ARHGAP29: variants seen among roughly 807,000 people sequenced by gnomAD.
The protein encoded by ARHGAP29 is Rho GTPase activating protein 29, also known as rho GTPase-activating protein 29.
In ARHGAP29, 43 loss-of-function variants were observed where a neutral mutation model predicts 122.6. The ratio of observed to expected loss-of-function variants is 0.35; its 90% CI spans 0.27 to 0.45. ARHGAP29 has a LOEUF of 0.45. ARHGAP29 is among the 20% of genes least tolerant of loss of function. ARHGAP29 has a pLI of 1.00. For missense variants in ARHGAP29, 1,303 were observed against 1,477.2 expected (o/e 0.88, Z 1.93); for synonymous variants, 506 against 497.1 (o/e 1.02, Z -0.24).
chr1:94,230,978 A>AT (rs533028772), intron 2 of ARHGAP29, among the ~76,000 whole-genome samples: 203 of 152,092 alleles, frequency 1.3e-3, no homozygotes, highest in African/African-American at 4.6e-3. Flanking sequence ...AAATGCAGTC[A>AT]TTTTAGATAC....
At chr1:94,250,992 A>G (rs1654060316) in intron 1 of ARHGAP29, among the ~76,000 whole-genome samples, 1 of 152,154 alleles carries the variant, frequency 6.6e-6, no homozygotes, top group South Asian at 2.1e-4. Flanking sequence ...AATTATTGAT[A>G]CTACTGTGAA....
chr1:94,273,181 G>A (rs925930713), intron 1 of ARHGAP29, among the ~76,000 whole-genome samples: 13 of 152,132 alleles, frequency 8.5e-5, no homozygotes, highest in African/African-American at 3.1e-4. Context: ...TCAATGCCAA[G>A]ACTTTGGAAA....
At chr1:94,272,319 T>C (rs1557897908) in intron 1 of ARHGAP29, among the ~76,000 whole-genome samples, 1 of 152,150 alleles carries the variant, frequency 6.6e-6, no homozygotes, top group Non-Finnish European at 1.5e-5. Context: ...TTTCTAAGAT[T>C]CTCTTCAGGA....
chr1:94,209,220 G>A (rs1414316582), intron 4 of ARHGAP29, 34 bp downstream of exon 4: 8 of 1,418,808 alleles, frequency 5.6e-6, no homozygotes, highest in Non-Finnish European at 7.9e-6. Context: ...AGACACCTAG[G>A]ACTAGTTGCT....
intron 19 of ARHGAP29, among the ~76,000 whole-genome samples, chr1:94,183,493 G>GA (rs997742570): frequency 1.5e-3 from 214 of 147,368 alleles, no homozygotes; most frequent in African/African-American, 5.0e-3. Context: ...TTAACAGTGA[G>GA]AAAAAAAAAA....
At chr1:94,255,085 T>C (rs1016677328) in intron 1 of ARHGAP29, among the ~76,000 whole-genome samples, 1 of 152,204 alleles carries the variant, frequency 6.6e-6, no homozygotes, top group African/African-American at 2.4e-5. Flanking sequence ...ACCAAATTCA[T>C]ATGTTAAAGT....
rs544981585 is a variant in ARHGAP29 at position 94,264,524 on chromosome 1, C to A, written c.-33+10488G>T. 2.4e-4 allele frequency among the ~76,000 whole-genome samples: 36 copies of A among 152,260 alleles called. No individual in the cohort carries two copies. In the South Asian group the frequency reaches 4.4e-3, roughly 18 times the overall value. Reference sequence around the variant, plus strand: ...GTTCTCCCTAATGCCCCTGGATGCCCATCTGTGGCTGCCTTCCACTTGCTT... The same window carrying A: ...GTTCTCCCTAATGCCCCTGGATGCCAATCTGTGGCTGCCTTCCACTTGCTT... On this transcript the variant is annotated intron_variant and NMD_transcript_variant, in intron 1 of 25. Coordinates refer to the ARHGAP29 transcript ENST00000552844.
intron 1 of ARHGAP29, among the ~76,000 whole-genome samples, chr1:94,258,884 A>G (rs1443999402): frequency 6.6e-6 from 1 of 152,210 alleles, no homozygotes; most frequent in Non-Finnish European, 1.5e-5. Flanking sequence ...ACTTGACTCA[A>G]AAAACCCACA....
the ARHGAP29 span, among the ~76,000 whole-genome samples, chr1:94,297,301 A>G: frequency 6.6e-6 from 1 of 152,198 alleles, no homozygotes; most frequent in African/African-American, 2.4e-5. Context: ...AGTTCTTTAA[A>G]AGTCTCAGTA....
intron 1 of ARHGAP29, among the ~76,000 whole-genome samples, chr1:94,272,311 T>C (rs1570631471): frequency 6.6e-6 from 1 of 152,198 alleles, no homozygotes; most frequent in African/African-American, 2.4e-5. Context: ...ACCTCCTTTT[T>C]CTAAGATTCT....
chr1:94,216,478 G>T (rs1651962852), intron 3 of ARHGAP29, among the ~76,000 whole-genome samples: 1 of 152,080 alleles, frequency 6.6e-6, no homozygotes, highest in Non-Finnish European at 1.5e-5. Context: ...ACCAATAAAG[G>T]TTGTTACTTA....
intron 19 of ARHGAP29, among the ~76,000 whole-genome samples, chr1:94,181,578 G>A (rs369470562): frequency 5.9e-5 from 9 of 152,082 alleles, no homozygotes; most frequent in Non-Finnish European, 1.3e-4. Flanking sequence ...GAAACCTATA[G>A]AGATAGAGGC....
the ARHGAP29 span, among the ~76,000 whole-genome samples, chr1:94,286,474 C>T: frequency 2.0e-5 from 3 of 152,162 alleles, no homozygotes; most frequent in South Asian, 6.2e-4. Context: ...TCAAGACCAG[C>T]CTGGGCAACA....
Position 94,177,960 on chromosome 1 carries a change from C to T in ARHGAP29, c.2688G>A (p.Met896Ile). 6.2e-7 allele frequency: 1 copy of T among 1,614,160 alleles called. No individual in the cohort carries two copies. Among genetic ancestry groups the T allele is most frequent in the Non-Finnish European group, 8.5e-7 (1 of 1,180,016 alleles). Reference sequence around the variant, plus strand: ...CTTGATCAACAACACCTATGCTACACATAACATCTTGTGGTTGTAGGGACC... The same window carrying T: ...CTTGATCAACAACACCTATGCTACATATAACATCTTGTGGTTGTAGGGACC... ...FDGSLQPQDV[M>I]CSIGVVDQGC... Residue 896 changes from methionine (M) to isoleucine (I), a missense_variant, in exon 21 of 23, where the codon ATG becomes ATA. Physicochemically the swap from Met to Ile is conservative, Grantham distance 10. Transcript: ENST00000260526.
chr1:94,225,090 C>A (rs547209726), intron 2 of ARHGAP29, among the ~76,000 whole-genome samples: 17 of 152,236 alleles, frequency 1.1e-4, no homozygotes, highest in African/African-American at 4.1e-4. Flanking sequence ...AGGTCATGAG[C>A]ATGTCCTAAT....
intron 1 of ARHGAP29, among the ~76,000 whole-genome samples, chr1:94,257,708 CAAG>C (rs900989736): frequency 2.0e-5 from 3 of 151,952 alleles, no homozygotes; most frequent in Admixed American, 6.6e-5. Flanking sequence ...GATCCTGTCT[CAAG>C]AAGAAGAAGG....
chr1:94,278,257 T>A (rs960755537), upstream of ARHGAP29, among the ~76,000 whole-genome samples: 1 of 152,142 alleles, frequency 6.6e-6, no homozygotes. Context: ...AGTTGGAGTT[T>A]ATAGTGGGCT....
At chr1:94,298,055 G>C in the ARHGAP29 span, among the ~76,000 whole-genome samples, 3 of 152,124 alleles carry the variant, frequency 2.0e-5, no homozygotes, top group Non-Finnish European at 2.9e-5. Context: ...AATTTTGCTT[G>C]CTTATTTTTA....
At chr1:94,280,650 A>G in the ARHGAP29 span, among the ~76,000 whole-genome samples, 1 of 152,190 alleles carries the variant, frequency 6.6e-6, no homozygotes, top group African/African-American at 2.4e-5. Flanking sequence ...GAATGAATAA[A>G]TGAAATGCAT....
Sources: gnomAD v4.1 joint callset for allele counts (sites outside exome capture counted in the v4.1 genomes callset) on GRCh38, gnomAD v4.1.1 for gene constraint, MANE v1.5 for transcripts, NCBI Gene and HGNC (gene_info 2026-07-23, HGNC 2026-07-21) for gene names.